ADGRF5: variants seen among roughly 807,000 people sequenced by gnomAD.
The protein encoded by ADGRF5 is adhesion G protein-coupled receptor F5, also known as G-protein coupled receptor 116.
ADGRF5 carries 75 observed loss-of-function variants against 132.3 expected under a neutral mutation model. The ratio of observed to expected loss-of-function variants is 0.57; its 90% CI spans 0.47 to 0.69. ADGRF5 has a LOEUF of 0.69. Ranked by LOEUF, ADGRF5 falls within the 30% of genes least tolerant of loss-of-function variation. The pLI, the probability that ADGRF5 is intolerant of heterozygous loss-of-function variation, is 0.00. For missense variants in ADGRF5, 1,516 were observed against 1,630.6 expected (o/e 0.93, Z 1.21); for synonymous variants, 629 against 597.6 (o/e 1.05, Z -0.77).
chr6:46,898,462 T>C (rs1468945402), intron 3 of ADGRF5, among the ~76,000 whole-genome samples: 1 of 152,084 alleles, frequency 6.6e-6, no homozygotes, highest in East Asian at 1.9e-4. Context: ...AGAACGTATA[T>C]ACTGTGCCAT....
intron 11 of ADGRF5, among the ~76,000 whole-genome samples, chr6:46,869,851 A>G (rs564808349): frequency 3.9e-5 from 6 of 152,216 alleles, no homozygotes; most frequent in East Asian, 1.9e-4. Context: ...CTACAGCAAT[A>G]TAAGTATTTA....
At chr6:46,884,069 C>A in intron 5 of ADGRF5, 26 bp downstream of exon 5, 1 of 1,593,602 alleles carries the variant, frequency 6.3e-7, no homozygotes, top group South Asian at 1.1e-5. Flanking sequence ...AGCCACTCAA[C>A]GAGCATTTAA....
intron 1 of ADGRF5, among the ~76,000 whole-genome samples, chr6:46,915,662 G>T (rs1200231841): frequency 6.6e-6 from 1 of 151,740 alleles, no homozygotes; most frequent in African/African-American, 2.4e-5. Flanking sequence ...TCCTTCTTCA[G>T]GGATTTTGTT....
rs748100154 is a variant in ADGRF5 at position 46,860,719 on chromosome 6, A to T, written c.2375T>A (p.Met792Lys). The change falls in exon 16 of 21, where the codon ATG becomes AAG. Residue 792 changes from methionine to lysine, a missense_variant. Around this residue, in one of 2 missense-constraint regions of ADGRF5, gnomAD observed 571 missense variants for 701.2 expected, o/e 0.81. Coordinates refer to ENST00000283296, the MANE Select transcript of ADGRF5 (RefSeq NM_001098518.2). Reference sequence around the variant, plus strand: ...GCAAAGGTTAAGCAAACTCACCGTCATCATTTCTGAATTTACTTGGGTTGG... The same window carrying T: ...GCAAAGGTTAAGCAAACTCACCGTCTTCATTTCTGAATTTACTTGGGTTGG... ...TVPTQVNSEMMTHVLSTVNVI... is the reference protein window; with the variant it reads ...TVPTQVNSEMKTHVLSTVNVI... 6.2e-7 allele frequency: 1 copy of T among 1,610,480 alleles called. No homozygotes were observed. Among genetic ancestry groups the T allele is most frequent in the Non-Finnish European group, 8.5e-7 (1 of 1,177,216 alleles).
chr6:46,883,663 C>G lies in ADGRF5; in HGVS notation c.508G>C (p.Val170Leu), dbSNP rs755846048. The change falls in exon 6 of 21, where the codon GTT (valine) becomes CTT (leucine). Residue 170 changes from valine (V) to leucine (L), a missense_variant and splice_region_variant. Coordinates refer to ENST00000283296, the MANE Select transcript of ADGRF5 (RefSeq NM_001098518.2). The stretch of plus-strand genomic sequence containing the variant: ...AGTCTGACTCTCATGTTCAGGGTAA[C>G]ATCTGTTGAAAAACACAGGGCAATA... The part of the protein sequence containing the change: ...NGPFCLLQED[V>L]TLNMRVRLNV... The G allele has an allele frequency of 2.6e-6, 4 of 1,535,820 alleles. No individual in the cohort carries two copies. In the Admixed American group the frequency reaches 7.9e-5, roughly 30 times the overall value.
chr6:46,869,189 G>T, intron 11 of ADGRF5, 97 bp from the exon 12 acceptor site: 1 of 1,514,578 alleles, frequency 6.6e-7, no homozygotes, highest in South Asian at 1.3e-5. Context: ...CTTCAGAGAG[G>T]GACAGAAAAA....
intron 1 of ADGRF5, among the ~76,000 whole-genome samples, chr6:46,952,527 G>C (rs887972414): frequency 6.6e-6 from 1 of 152,196 alleles, no homozygotes; most frequent in African/African-American, 2.4e-5. Flanking sequence ...ATTCTAAAAG[G>C]CATGGCACAT....
Position 46,856,717 on chromosome 6 carries a change from C to T in ADGRF5, c.3876+1G>A, listed in dbSNP as rs1231958031. The T allele has an allele frequency of 2.9e-6, 4 of 1,369,436 alleles. No individual in the cohort carries two copies. The highest frequency in any genetic ancestry group is 1.4e-5 in the African/African-American group (1 of 72,544). The allele number at this position is 1,369,436 out of a possible 1,614,324, so 84.8% of individuals were successfully genotyped here. On this transcript the variant is annotated splice_donor_variant, in intron 19 of 20. Transcript: ENST00000283296. LOFTEE classifies it high-confidence loss of function. ...AAAGTCTCTGCAGAGAAAAAGTTTA[C>T]CTTTGAGTGCTGTGAAGACCATCTC...
intron 1 of ADGRF5, among the ~76,000 whole-genome samples, chr6:46,919,838 C>T (rs960614473): frequency 5.9e-5 from 9 of 152,116 alleles, no homozygotes; most frequent in Non-Finnish European, 8.8e-5. Context: ...TGAAAGTGTT[C>T]GTATTATTCT....
At chr6:46,907,485 G>A (rs1284342244) in intron 1 of ADGRF5, among the ~76,000 whole-genome samples, 7 of 151,982 alleles carry the variant, frequency 4.6e-5, no homozygotes, top group Non-Finnish European at 8.8e-5. Context: ...GATTACAGAC[G>A]TAAGTCATCA....
At chr6:46,899,682 T>G (rs190976928) in intron 3 of ADGRF5, among the ~76,000 whole-genome samples, 34 of 152,050 alleles carry the variant, frequency 2.2e-4, no homozygotes, top group Middle Eastern at 3.4e-3. Flanking sequence ...GTTTTGTTTT[T>G]TTTTTTAAAG....
chr6:46,892,623 A>G (rs1773762681), intron 3 of ADGRF5, among the ~76,000 whole-genome samples: 1 of 151,916 alleles, frequency 6.6e-6, no homozygotes, highest in Non-Finnish European at 1.5e-5. Context: ...GATGGCAGGC[A>G]CCTGTAATCC....
intron 1 of ADGRF5, among the ~76,000 whole-genome samples, chr6:46,940,776 C>A (rs1407416478): frequency 6.6e-6 from 1 of 152,140 alleles, no homozygotes; most frequent in Non-Finnish European, 1.5e-5. Context: ...TGACCCCTTA[C>A]AGACAAAAAT....
intron 8 of ADGRF5, 122 bp downstream of exon 8, chr6:46,881,333 A>G (rs901096517): frequency 3.4e-5 from 27 of 786,554 alleles, no homozygotes; most frequent in African/African-American, 6.9e-5. Context: ...GAGGTGGTAC[A>G]GAACCCCCTG....
intron 3 of ADGRF5, among the ~76,000 whole-genome samples, chr6:46,890,299 C>T (rs1023665256): frequency 6.6e-6 from 1 of 151,884 alleles, no homozygotes; most frequent in African/African-American, 2.4e-5. Context: ...CGCCATGTTG[C>T]CCAGGCTTGT....
At chr6:46,937,958 T>C (rs1472289832) in intron 1 of ADGRF5, among the ~76,000 whole-genome samples, 3 of 152,180 alleles carry the variant, frequency 2.0e-5, no homozygotes, top group Non-Finnish European at 4.4e-5. Flanking sequence ...GAATTTTCCA[T>C]TTAATATTTA....
intron 1 of ADGRF5, among the ~76,000 whole-genome samples, chr6:46,933,053 T>G (rs796810100): frequency 6.6e-6 from 1 of 152,124 alleles, no homozygotes; most frequent in Non-Finnish European, 1.5e-5. Context: ...GTGATGGGAA[T>G]GGAAAACGAA....
Position 46,858,325 on chromosome 6 carries a change from A to G in ADGRF5, c.3578T>C (p.Val1193Ala), listed in dbSNP as rs761913175. The G allele has an allele frequency of 6.2e-7, 1 of 1,613,914 alleles. No homozygotes were observed. The highest frequency in any genetic ancestry group is 1.7e-5 in the Admixed American group (1 of 60,004). ...VVVNITITIV[V>A]ITKILRPSIG... ...GGAAGGCCTCAGGATCTTGGTGATG[A>G]CCACAATAGTGATGGTTATGTTCAC... The change falls in exon 17 of 21, where the codon GTC becomes GCC. Residue 1193 changes from valine to alanine, a missense_variant. Transcript: ENST00000283296.
chr6:46,867,860 T>A (rs971142727), intron 12 of ADGRF5, among the ~76,000 whole-genome samples: 1 of 152,186 alleles, frequency 6.6e-6, no homozygotes, highest in Non-Finnish European at 1.5e-5. Flanking sequence ...GATGAGAATA[T>A]GACTTTTCAA....
Sources: gnomAD v4.1 joint callset for allele counts (sites outside exome capture counted in the v4.1 genomes callset) on GRCh38, gnomAD v4.1.1 for gene constraint, gnomAD v4.1.1 regional missense constraint, MANE v1.5 for transcripts, NCBI Gene and HGNC (gene_info 2026-07-23, HGNC 2026-07-21) for gene names.